IKZF3: variants seen among roughly 807,000 people sequenced by gnomAD.
IKZF3 encodes IKAROS family zinc finger 3, also known as zinc finger protein Aiolos.
Under a neutral mutation model 49.0 loss-of-function variants are expected in IKZF3, and 10 were observed. The ratio of observed to expected loss-of-function variants is 0.20; its 90% CI spans 0.13 to 0.35. The LOEUF (loss-of-function observed/expected upper bound fraction) is 0.35, where lower values mean the gene tolerates loss of function less well. Ranked by LOEUF, IKZF3 falls within the 10% of genes least tolerant of loss-of-function variation. IKZF3 has a pLI of 1.00. For missense variants in IKZF3, 498 were observed against 664.8 expected (o/e 0.75, Z 2.76); for synonymous variants, 209 against 228.2 (o/e 0.92, Z 0.76).
chr17:39,773,894 AC>A (rs1366009462), intron 7 of IKZF3, among the ~76,000 whole-genome samples: 1 of 152,118 alleles, frequency 6.6e-6, no homozygotes, highest in Admixed American at 6.5e-5. Flanking sequence ...AACAACTTAA[AC>A]AGAATTATTC....
At chr17:39,822,736 C>T (rs1428408908) in intron 3 of IKZF3, among the ~76,000 whole-genome samples, 1 of 152,006 alleles carries the variant, frequency 6.6e-6, no homozygotes, top group African/African-American at 2.4e-5. Flanking sequence ...GTGCCCACCA[C>T]CACGCCCAGC....
At chr17:39,815,131 G>A (rs1401866027) in intron 3 of IKZF3, among the ~76,000 whole-genome samples, 1 of 152,004 alleles carries the variant, frequency 6.6e-6, no homozygotes, top group Non-Finnish European at 1.5e-5. Context: ...AAATACTATC[G>A]GCAAATGCAT....
chr17:39,845,269 C>A (rs994834181), intron 1 of IKZF3, among the ~76,000 whole-genome samples: 1 of 152,074 alleles, frequency 6.6e-6, no homozygotes, highest in Non-Finnish European at 1.5e-5. Context: ...TGCCTGTAAT[C>A]CCAGCACTTC....
In IKZF3 at chr17:39,759,817, C is replaced by T. The variant is rs1442853440; in HGVS notation, c.*5973G>A. 1.3e-5 allele frequency: 2 copies of T among 152,244 alleles called. No individual in the cohort carries two copies. Among genetic ancestry groups the T allele is most frequent in the African/African-American group, 2.4e-5 (1 of 41,462 alleles). The allele number at this position is 152,244 out of a possible 1,614,324, so 9.4% of individuals were successfully genotyped here. Reference sequence around the variant, plus strand: ...GGATATAGAGGTTTTTTGAACTATACTTTCTGTGTGAACACAAAAATAGCT... The same window carrying T: ...GGATATAGAGGTTTTTTGAACTATATTTTCTGTGTGAACACAAAAATAGCT... On this transcript the variant is annotated 3_prime_UTR_variant, in exon 8 of 8. Transcript: ENST00000346872.
chr17:39,837,099 T>TA (rs1273219376), intron 1 of IKZF3, among the ~76,000 whole-genome samples: 5 of 151,496 alleles, frequency 3.3e-5, no homozygotes, highest in South Asian at 2.1e-4. Context: ...CTGGCTAATT[T>TA]AAAAAAAATT....
chr17:39,793,828 G>A (rs571376156), intron 3 of IKZF3, among the ~76,000 whole-genome samples: 1 of 152,302 alleles, frequency 6.6e-6, no homozygotes, highest in Admixed American at 6.5e-5. Context: ...TACTCTTCAT[G>A]AAGAGCATAA....
intron 3 of IKZF3, among the ~76,000 whole-genome samples, chr17:39,813,944 G>A (rs1445783314): frequency 2.0e-5 from 3 of 152,208 alleles, no homozygotes; most frequent in East Asian, 1.9e-4. Flanking sequence ...CGAGGCTGAC[G>A]CGGTCTCTCC....
At chr17:39,853,693 G>T (rs2062949587) in intron 1 of IKZF3, among the ~76,000 whole-genome samples, 1 of 152,058 alleles carries the variant, frequency 6.6e-6, no homozygotes, top group Non-Finnish European at 1.5e-5. Context: ...AAATTAGCCA[G>T]GCGTGGTGGC....
chr17:39,850,015 G>GT (rs1349902160), intron 1 of IKZF3, among the ~76,000 whole-genome samples: 14 of 140,146 alleles, frequency 1.0e-4, no homozygotes, highest in African/African-American at 3.5e-4. Context: ...GTATTCCTGG[G>GT]GGTGTGTGTG....
At chr17:39,824,232 G>A (rs967778848) in intron 3 of IKZF3, among the ~76,000 whole-genome samples, 2 of 152,164 alleles carry the variant, frequency 1.3e-5, no homozygotes, top group Non-Finnish European at 2.9e-5. Context: ...ATTGGATTCC[G>A]GACTTGCATG....
intron 3 of IKZF3, among the ~76,000 whole-genome samples, chr17:39,819,240 C>T (rs1471683571): frequency 1.3e-5 from 2 of 152,168 alleles, no homozygotes; most frequent in East Asian, 3.9e-4. Context: ...ATAGGCTACC[C>T]CTGAACCCAA....
chr17:39,863,906 G>T (rs185870642), intron 1 of IKZF3, among the ~76,000 whole-genome samples: 2 of 152,314 alleles, frequency 1.3e-5, no homozygotes, highest in Admixed American at 1.3e-4. Flanking sequence ...AAATAAAATT[G>T]CGAAGAAGTT....
At chr17:39,850,285 AGTATATACAATATATAGCATATTATACAT>A (rs1232886437) in intron 1 of IKZF3, among the ~76,000 whole-genome samples, 1 of 140,812 alleles carries the variant, frequency 7.1e-6, no homozygotes, top group African/African-American at 2.6e-5. Context: ...TATAATATAT[AGTATATACAATATATAGCATATTATACAT>A]GTACATATAA....
intron 6 of IKZF3, among the ~76,000 whole-genome samples, chr17:39,779,972 G>C (rs938182605): frequency 6.6e-6 from 1 of 152,124 alleles, no homozygotes; most frequent in African/African-American, 2.4e-5. Context: ...GACTGAGGCA[G>C]GAAGATTGCT....
intron 1 of IKZF3, among the ~76,000 whole-genome samples, chr17:39,832,764 A>G (rs190074749): frequency 9.8e-4 from 149 of 152,208 alleles, no homozygotes; most frequent in African/African-American, 3.2e-3. Context: ...TTAATGGGTA[A>G]AACATATAGT....
At chr17:39,822,935 C>G (rs528427984) in intron 3 of IKZF3, among the ~76,000 whole-genome samples, 2 of 152,178 alleles carry the variant, frequency 1.3e-5, no homozygotes, top group Admixed American at 6.5e-5. Context: ...ATTGGCACCA[C>G]AGAGAGTGGG....
At chr17:39,811,066 C>T (rs2061540439) in intron 3 of IKZF3, among the ~76,000 whole-genome samples, 1 of 151,798 alleles carries the variant, frequency 6.6e-6, no homozygotes, top group East Asian at 1.9e-4. Context: ...ACAGTGAGAC[C>T]CCTCTACAAA....
rs1227456078 is a variant in IKZF3 at position 39,815,902 on chromosome 17, G to C, written c.163+13485C>G. On this transcript the variant is annotated intron_variant, in intron 3 of 7. Coordinates refer to ENST00000346872, the MANE Select transcript of IKZF3 (RefSeq NM_012481.5). ...TAGAAAGATGTAAATATAGGTTAGGGCTTCTTTTTTCAAAAAGTTTATGAT... is the reference window on the plus strand; with the variant it reads ...TAGAAAGATGTAAATATAGGTTAGGCCTTCTTTTTTCAAAAAGTTTATGAT... 2.0e-5 allele frequency among the ~76,000 whole-genome samples: 3 copies of C among 152,282 alleles called. No individual in the cohort carries two copies. The East Asian group carries it at 5.8e-4, about 29-fold the overall frequency.
chr17:39,841,439 A>C (rs2062464054), intron 1 of IKZF3, among the ~76,000 whole-genome samples: 1 of 152,036 alleles, frequency 6.6e-6, no homozygotes, highest in Non-Finnish European at 1.5e-5. Context: ...GGGCATCTAC[A>C]TTTTAGGGGC....
Sources: allele counts gnomAD v4.1 joint callset (sites outside exome capture counted in the v4.1 genomes callset), GRCh38; gene constraint gnomAD v4.1.1; transcripts MANE v1.5; gene names NCBI Gene and HGNC (gene_info 2026-07-23, HGNC 2026-07-21).